The following ARID2 variants were observed in gnomAD, a reference collection of about 807,000 sequenced individuals.
ARID2 encodes the protein AT-rich interactive domain-containing protein 2.
In ARID2, 32 loss-of-function variants were observed where a neutral mutation model predicts 184.6. The ratio of observed to expected loss-of-function variants is 0.17; its 90% CI spans 0.13 to 0.23. The LOEUF (loss-of-function observed/expected upper bound fraction) is 0.23. ARID2 is among the 10% of genes least tolerant of loss of function. ARID2 has a pLI of 1.00. For missense variants in ARID2, 1,696 were observed against 2,197.6 expected (o/e 0.77, Z 4.56); for synonymous variants, 836 against 772.6 (o/e 1.08, Z -1.36).
At position 45,851,258 on chromosome 12, in the gene ARID2, G is replaced by A. The variant is rs759600332; in HGVS notation, c.3135G>A (p.Ser1045=). The change falls in exon 15 of 21, where the codon TCG becomes TCA. Residue 1045 remains serine, a synonymous_variant. Transcript: ENST00000334344. ...AGATGCAAGTTCAACCTCAACAGTC[G>A]AATGCAGGAGTTGGTCAGCCTGCCT... is the stretch of plus-strand genomic sequence containing the variant. The part of the protein sequence containing the change: ...QVQMQVQPQQ[S]NAGVGQPASG... The A allele has an allele frequency of 2.5e-6, 4 of 1,614,026 alleles. No individual in the cohort carries two copies. The highest frequency in any genetic ancestry group is 1.3e-5 in the African/African-American group (1 of 74,910).
intron 3 of ARID2, among the ~76,000 whole-genome samples, chr12:45,782,249 T>C (rs1388934810): frequency 6.6e-6 from 1 of 151,964 alleles, no homozygotes; most frequent in Non-Finnish European, 1.5e-5. Context: ...TATACAACAT[T>C]AGGTGTCAGA....
At chr12:45,742,542 A>C (rs1941283143) in intron 3 of ARID2, among the ~76,000 whole-genome samples, 1 of 152,224 alleles carries the variant, frequency 6.6e-6, no homozygotes, top group South Asian at 2.1e-4. Flanking sequence ...AATAAAGCTC[A>C]TTAAAAATAT....
At chr12:45,838,805 A>G (rs996345479) in intron 10 of ARID2, among the ~76,000 whole-genome samples, 1 of 151,938 alleles carries the variant, frequency 6.6e-6, no homozygotes, top group African/African-American at 2.4e-5. Context: ...ATAGATATAG[A>G]TATCCAGCTC....
intron 3 of ARID2, among the ~76,000 whole-genome samples, chr12:45,810,130 A>G (rs1053364522): frequency 6.6e-6 from 1 of 152,244 alleles, no homozygotes; most frequent in Non-Finnish European, 1.5e-5. Context: ...AATGTAAGTC[A>G]TTATATATCA....
chr12:45,739,366 G>A (rs1941201430), intron 3 of ARID2, among the ~76,000 whole-genome samples: 1 of 149,396 alleles, frequency 6.7e-6, no homozygotes, highest in African/African-American at 2.5e-5. Flanking sequence ...TGTTCCAGGT[G>A]TGCTTGGCTT....
chr12:45,892,305 T>TA (rs1040907890), intron 18 of ARID2, among the ~76,000 whole-genome samples: 12 of 152,330 alleles, frequency 7.9e-5, no homozygotes, highest in East Asian at 5.8e-4. Context: ...GTCTGTAAGT[T>TA]ACCTTTCAGC....
At chr12:45,810,161 G>A (rs2138080404) in intron 3 of ARID2, among the ~76,000 whole-genome samples, 1 of 152,312 alleles carries the variant, frequency 6.6e-6, no homozygotes, top group South Asian at 2.1e-4. Flanking sequence ...CTTCTTATCT[G>A]TGAAGCATAG....
rs71067909 is a variant in ARID2 at position 45,901,154 on chromosome 12, A to ATTTTTTTTTTTTTTTTTTTTTTTT, written c.5364-3769_5364-3746dup. ...AATCTATTTTTTGGAAATTTCCTTA[A>ATTTTTTTTTTTTTTTTTTTTTTTT]TTTTTTTTTTTTTTTTTTTTTTTTT... On this transcript the variant is annotated intron_variant, in intron 20 of 20. Coordinates refer to ENST00000334344, the MANE Select transcript of ARID2 (RefSeq NM_152641.4). Among the ~76,000 whole-genome samples, 3 of 44,966 alleles carry ATTTTTTTTTTTTTTTTTTTTTTTT rather than the reference A, an allele frequency of 6.7e-5. 1 individual carries two copies. Among genetic ancestry groups the ATTTTTTTTTTTTTTTTTTTTTTTT allele is most frequent in the Non-Finnish European group, 1.1e-4 (3 of 28,216 alleles). 29.5% of individuals were successfully genotyped at this position (44,966 alleles called of 152,430 possible). A position where few individuals can be genotyped will look rare whatever the true frequency, so the allele number is the denominator to read the frequency against.
chr12:45,849,874 G>A, intron 14 of ARID2, 98 bp downstream of exon 14: 1 of 1,400,486 alleles, frequency 7.1e-7, no homozygotes, highest in South Asian at 1.4e-5. Flanking sequence ...TAACTTTTGT[G>A]TCTCCAGTAG....
intron 3 of ARID2, among the ~76,000 whole-genome samples, chr12:45,745,321 G>T (rs778209683): frequency 6.6e-6 from 1 of 152,104 alleles, no homozygotes. Flanking sequence ...TTAAGAAGAT[G>T]GTCTAGCCCT....
intron 20 of ARID2, among the ~76,000 whole-genome samples, chr12:45,899,665 AT>A (rs1944423969): frequency 4.2e-5 from 1 of 23,894 alleles, no homozygotes; most frequent in Non-Finnish European, 1.1e-4. Context: ...ATATATATAT[AT>A]ATGGTTATAT....
intron 3 of ARID2, among the ~76,000 whole-genome samples, chr12:45,800,564 A>G (rs1285899401): frequency 1.3e-5 from 2 of 152,158 alleles, no homozygotes; most frequent in Admixed American, 1.3e-4. Context: ...TGTATAATGG[A>G]AGGTCCTAGA....
chr12:45,749,596 A>T (rs1378096666), intron 3 of ARID2, among the ~76,000 whole-genome samples: 4 of 152,224 alleles, frequency 2.6e-5, no homozygotes, highest in Non-Finnish European at 5.9e-5. Context: ...CTCAGATGGC[A>T]TCTTCTTCCA....
intron 16 of ARID2, among the ~76,000 whole-genome samples, chr12:45,877,230 G>A (rs935886489): frequency 6.6e-6 from 1 of 152,126 alleles, no homozygotes; most frequent in Non-Finnish European, 1.5e-5. Context: ...GTGAGTGCCA[G>A]GCAAAAAAGC....
chr12:45,783,632 C>T (rs1467401925), intron 3 of ARID2, among the ~76,000 whole-genome samples: 1 of 152,188 alleles, frequency 6.6e-6, no homozygotes, highest in Admixed American at 6.5e-5. Flanking sequence ...CTTTTGCATG[C>T]GCAGTTCACA....
intron 3 of ARID2, among the ~76,000 whole-genome samples, chr12:45,775,894 TCG>T (rs1288049368): frequency 6.6e-6 from 1 of 152,262 alleles, no homozygotes; most frequent in African/African-American, 2.4e-5. Context: ...ACTTAACCTT[TCG>T]AAGAATGTTT....
intron 5 of ARID2, among the ~76,000 whole-genome samples, chr12:45,820,977 T>A (rs1942884628): frequency 6.6e-6 from 1 of 152,228 alleles, no homozygotes; most frequent in Admixed American, 6.5e-5. Context: ...TTGTGGGAAT[T>A]ATTTCCATGG....
At position 45,905,062 on chromosome 12, in the gene ARID2, C is replaced by A; in HGVS notation, c.5492C>A (p.Ser1831Ter). ...TVQSKEQEKD[S>*]EMLQ ...CAGAGTAAGGAACAAGAAAAAGACTCAGAAATGCTGCAGTGAAAAATAATT... is the reference window on the plus strand; with the variant it reads ...CAGAGTAAGGAACAAGAAAAAGACTAAGAAATGCTGCAGTGAAAAATAATT... The change falls in exon 21 of 21, where the codon TCA becomes TAA. Residue 1831 changes from serine to a stop codon, truncating the protein, a stop_gained. Transcript: ENST00000334344. LOFTEE classifies it high-confidence loss of function. 6.2e-7 allele frequency: 1 copy of A among 1,613,490 alleles called. No individual in the cohort carries two copies. Among genetic ancestry groups the A allele is most frequent in the Non-Finnish European group, 8.5e-7 (1 of 1,179,744 alleles).
At position 45,839,426 on chromosome 12, in the gene ARID2, A is replaced by G. The variant is rs1163461342; in HGVS notation, c.1428A>G (p.Gln476=). Residue 476 remains glutamine, a synonymous_variant, in exon 11 of 21, where the codon CAA becomes CAG. Transcript: ENST00000334344. ...TTGAACACCCAAGTTCCAGTCATCAAATGTTATCTGAAATTAGGCCACAAG... is the reference window on the plus strand; with the variant it reads ...TTGAACACCCAAGTTCCAGTCATCAGATGTTATCTGAAATTAGGCCACAAG... ...KLIEHPSSSH[Q]MLSEIRPQAI... is the part of the protein sequence containing the mutation. 5 of 1,614,002 alleles carry G rather than the reference A, an allele frequency of 3.1e-6. No homozygotes were observed. The highest frequency in any genetic ancestry group is 1.7e-5 in the Admixed American group (1 of 59,986).
Sources: gnomAD v4.1 joint callset for allele counts (sites outside exome capture counted in the v4.1 genomes callset) on GRCh38, gnomAD v4.1.1 for gene constraint, MANE v1.5 for transcripts, NCBI Gene and HGNC (gene_info 2026-07-23, HGNC 2026-07-21) for gene names.